UBE2K: variants seen among roughly 807,000 people sequenced by gnomAD.
UBE2K encodes the protein ubiquitin conjugating enzyme E2 K.
Under a neutral mutation model 30.0 loss-of-function variants are expected in UBE2K, and 6 were observed. The ratio of observed to expected loss-of-function variants is 0.20; its 90% CI spans 0.11 to 0.39. The LOEUF (loss-of-function observed/expected upper bound fraction) is 0.39, where lower values mean the gene tolerates loss of function less well. Ranked by LOEUF, UBE2K falls within the 10% of genes least tolerant of loss-of-function variation. UBE2K has a pLI of 1.00. For missense variants in UBE2K, 61 were observed against 241.6 expected (o/e 0.25, Z 4.96); for synonymous variants, 86 against 83.7 (o/e 1.03, Z -0.15).
In UBE2K at chr4:39,745,849, AT is replaced by A. The variant is rs1348987097; in HGVS notation, c.216+43del. 5 of 1,446,692 alleles carry A rather than the reference AT, an allele frequency of 3.5e-6. No individual in the cohort carries two copies. The African/African-American group carries it at 7.2e-5, about 21-fold the overall frequency. The allele number at this position is 1,446,692 out of a possible 1,614,324, so 89.6% of individuals were successfully genotyped here. On this transcript the variant is annotated intron_variant, in intron 3 of 6. Coordinates refer to ENST00000261427, the MANE Select transcript of UBE2K (RefSeq NM_005339.5). Reference sequence around the variant, plus strand: ...ATTTTTGTGCATGAAGTTACAAAATATTTTATATTTCTGACCTCATTTTATT... The same window carrying A: ...ATTTTTGTGCATGAAGTTACAAAATATTTATATTTCTGACCTCATTTTATT...
In UBE2K at chr4:39,727,592, T is replaced by C. The variant is rs537799000; in HGVS notation, c.64-9828T>C. On this transcript the variant is annotated intron_variant, in intron 1 of 6. Transcript: ENST00000261427. The stretch of plus-strand genomic sequence containing the variant: ...TCTGGACTGATCTTTTTTTTTTTTT[T>C]CCATAAGGATAGAGATGGGCTGGTC... Among the ~76,000 whole-genome samples the C allele has an allele frequency of 5.5e-4, 84 of 151,756 alleles. 1 individual carries two copies. In the South Asian group the frequency reaches 7.9e-3, roughly 14 times the overall value.
At chr4:39,753,518 G>T (rs1407746434) in intron 3 of UBE2K, among the ~76,000 whole-genome samples, 1 of 152,160 alleles carries the variant, frequency 6.6e-6, no homozygotes, top group African/African-American at 2.4e-5. Context: ...TATTAAGTAG[G>T]ATGGATACAG....
intron 2 of UBE2K, among the ~76,000 whole-genome samples, chr4:39,740,633 C>T (rs1471544650): frequency 5.9e-5 from 9 of 151,300 alleles, no homozygotes; most frequent in Non-Finnish European, 1.0e-4. Flanking sequence ...GAGGCTGAGG[C>T]GGGCAGATCA....
intron 1 of UBE2K, among the ~76,000 whole-genome samples, chr4:39,732,840 T>A (rs1240511422): frequency 6.6e-6 from 1 of 151,908 alleles, no homozygotes; most frequent in Non-Finnish European, 1.5e-5. Flanking sequence ...CATGCCCAGT[T>A]AATTTTTGTA....
chr4:39,713,304 A>C (rs868624536), intron 1 of UBE2K, among the ~76,000 whole-genome samples: 1 of 8,050 alleles, frequency 1.2e-4, no homozygotes. Context: ...TTTTTTTTTG[A>C]GACAGTTCTT....
chr4:39,779,042 A>ACCCCCCCCCCCCC lies in UBE2K; in HGVS notation c.*616_*617insCCCCCCCCCCCCC, dbSNP rs3839130. 20 of 128,300 alleles carry ACCCCCCCCCCCCC rather than the reference A, an allele frequency of 1.6e-4. No individual in the cohort carries two copies. Among genetic ancestry groups the ACCCCCCCCCCCCC allele is most frequent in the Admixed American group, 2.6e-4 (3 of 11,476 alleles). 7.9% of individuals were successfully genotyped at this position (128,300 alleles called of 1,614,324 possible). A position where few individuals can be genotyped will look rare whatever the true frequency, so the allele number is the denominator to read the frequency against. On this transcript the variant is annotated 3_prime_UTR_variant, in exon 7 of 7. Coordinates refer to ENST00000261427, the MANE Select transcript of UBE2K (RefSeq NM_005339.5). ...TGGGACAGTGTCTGATTCCCCCTTCACCCCCCCCACCCCCGCCTTGCCACA... is the reference window on the plus strand; with the variant it reads ...TGGGACAGTGTCTGATTCCCCCTTCACCCCCCCCCCCCCCCCCCCCCACCCCCGCCTTGCCACA...
intron 4 of UBE2K, among the ~76,000 whole-genome samples, chr4:39,765,675 A>AG (rs1310577487): frequency 6.6e-6 from 1 of 152,012 alleles, no homozygotes; most frequent in African/African-American, 2.4e-5. Context: ...CAAAAACGTT[A>AG]GCCAAGTCTG....
In UBE2K at chr4:39,757,018, G is replaced by GTT. The variant is rs1227834116; in HGVS notation, c.299+1284_299+1285dup. On this transcript the variant is annotated intron_variant, in intron 4 of 6. Coordinates refer to ENST00000261427, the MANE Select transcript of UBE2K (RefSeq NM_005339.5). ...TTTGGGTGTTTTTTTTTTGTTTTTT[G>GTT]TTTTTTGTTTTTTGTTTTTTTTTTG... Among the ~76,000 whole-genome samples the GTT allele has an allele frequency of 1.3e-3, 95 of 72,086 alleles. 16 individuals carry two copies. The highest frequency in any genetic ancestry group is 6.8e-3 in the Middle Eastern group (1 of 146). The allele number at this position is 72,086 out of a possible 152,430, so 47.3% of individuals were successfully genotyped here.
At chr4:39,767,081 G>C (rs984074810) in intron 4 of UBE2K, among the ~76,000 whole-genome samples, 3 of 152,064 alleles carry the variant, frequency 2.0e-5, no homozygotes, top group Non-Finnish European at 4.4e-5. Flanking sequence ...AAATTGTCGT[G>C]CATATTCTCG....
At chr4:39,745,194 T>C (rs1720928899) in intron 2 of UBE2K, among the ~76,000 whole-genome samples, 1 of 152,176 alleles carries the variant, frequency 6.6e-6, no homozygotes, top group Admixed American at 6.5e-5. Context: ...GCAAAAGTAA[T>C]TGCAGTTTAA....
intron 4 of UBE2K, among the ~76,000 whole-genome samples, chr4:39,773,149 AGAATGTTATG>A (rs1713024662): frequency 6.6e-6 from 1 of 152,164 alleles, no homozygotes; most frequent in African/African-American, 2.4e-5. Flanking sequence ...GTCCTGTTTC[AGAATGTTATG>A]GAATGATTTC....
chr4:39,748,622 A>C (rs1024916779), intron 3 of UBE2K, among the ~76,000 whole-genome samples: 4 of 75,636 alleles, frequency 5.3e-5, no homozygotes, highest in African/African-American at 3.4e-4. Flanking sequence ...TCTAGTCCCA[A>C]AAAAAAAAAA....
At chr4:39,718,127 C>T (rs566314071) in intron 1 of UBE2K, among the ~76,000 whole-genome samples, 16 of 152,278 alleles carry the variant, frequency 1.1e-4, no homozygotes, top group African/African-American at 3.4e-4. Context: ...TCTGGCCCCA[C>T]GCACATCCTG....
intron 1 of UBE2K, among the ~76,000 whole-genome samples, chr4:39,705,824 G>C (rs2109305417): frequency 6.6e-6 from 1 of 150,774 alleles, no homozygotes; most frequent in Non-Finnish European, 1.5e-5. Context: ...TGGGATCCCG[G>C]GATTACAGGC....
At chr4:39,750,595 C>T (rs1721205766) in intron 3 of UBE2K, among the ~76,000 whole-genome samples, 1 of 152,052 alleles carries the variant, frequency 6.6e-6, no homozygotes, top group Non-Finnish European at 1.5e-5. Context: ...GGTCTTGCTA[C>T]ATTGCCCAGG....
chr4:39,748,603 G>T (rs77977438), intron 3 of UBE2K, among the ~76,000 whole-genome samples: 1,824 of 148,124 alleles, frequency 0.012, 22 homozygotes, highest in Non-Finnish European at 0.021. Context: ...AACATAGCAA[G>T]GCCCTGTCTC....
chr4:39,718,463 C>T (rs1160013641), intron 1 of UBE2K, among the ~76,000 whole-genome samples: 5 of 152,242 alleles, frequency 3.3e-5, no homozygotes, highest in South Asian at 4.1e-4. Flanking sequence ...CAGTGGATCT[C>T]GCACCGGGGC....
At chr4:39,769,213 G>T (rs1218312934) in intron 4 of UBE2K, among the ~76,000 whole-genome samples, 64 of 128,488 alleles carry the variant, frequency 5.0e-4, no homozygotes, top group South Asian at 7.3e-4. Flanking sequence ...GTTTCTTTTT[G>T]TTTTTTTTTT....
intron 1 of UBE2K, among the ~76,000 whole-genome samples, chr4:39,704,455 A>G (rs1034620870): frequency 6.6e-6 from 1 of 152,014 alleles, no homozygotes; most frequent in Admixed American, 6.6e-5. Flanking sequence ...TTTGGGGTGA[A>G]TTCCTTGTAT....
Sources: gnomAD v4.1 joint callset for allele counts (sites outside exome capture counted in the v4.1 genomes callset) on GRCh38, gnomAD v4.1.1 for gene constraint, MANE v1.5 for transcripts, NCBI Gene and HGNC (gene_info 2026-07-23, HGNC 2026-07-21) for gene names.